Variants in WFDC11 observed in about 807,000 individuals in gnomAD.
The protein encoded by WFDC11 is protein WFDC11.
A neutral mutation model predicts 9.9 loss-of-function variants in WFDC11; 9 were observed. The observed-to-expected ratio is 0.91, with a 90% CI of 0.55 to 1.58. The LOEUF is 1.58. Among genes scored for constraint, WFDC11 ranks in the 40% most tolerant of loss-of-function variants. WFDC11 has a pLI of 0.00. For missense variants in WFDC11, 106 were observed against 101.7 expected (o/e 1.04, Z -0.18); for synonymous variants, 32 against 33.3 (o/e 0.96, Z 0.13).
chr20:45,655,467 G>A (rs1413011241), intron 2 of WFDC11, among the ~76,000 whole-genome samples: 1 of 152,176 alleles, frequency 6.6e-6, no homozygotes. Flanking sequence ...CAAATGCACA[G>A]CCAATATCAT....
At chr20:45,652,086 G>C (rs1982820071) in intron 2 of WFDC11, among the ~76,000 whole-genome samples, 1 of 152,216 alleles carries the variant, frequency 6.6e-6, no homozygotes, top group Non-Finnish European at 1.5e-5. Flanking sequence ...GAAGAGAGTA[G>C]TGTTTCTCCC....
In WFDC11 at chr20:45,650,485, C is replaced by G. The variant is rs1180984010; in HGVS notation, c.100+16G>C. ...CATCCCCCTCCTGTGGCCCCTAATC[C>G]AGCCTCACCACCTACTGTCATATCT... On this transcript the variant is annotated intron_variant, in intron 3 of 4. Coordinates refer to ENST00000324384, the MANE Select transcript of WFDC11 (RefSeq NM_147197.2). 1 of 1,609,268 alleles carries G rather than the reference C, an allele frequency of 6.2e-7. No individual in the cohort carries two copies. Among genetic ancestry groups the G allele is most frequent in the Non-Finnish European group, 8.5e-7 (1 of 1,175,742 alleles).
chr20:45,654,842 TA>T (rs1417068319), intron 2 of WFDC11, among the ~76,000 whole-genome samples: 1 of 152,164 alleles, frequency 6.6e-6, no homozygotes, highest in Non-Finnish European at 1.5e-5. Context: ...AAGAAAGGCA[TA>T]AATTCCTTGA....
At chr20:45,658,627 A>G (rs1982986977) in intron 2 of WFDC11, among the ~76,000 whole-genome samples, 1 of 151,620 alleles carries the variant, frequency 6.6e-6, no homozygotes, top group East Asian at 1.9e-4. Context: ...TGGTATATCA[A>G]TTTTATTTAT....
chr20:45,650,216 A>ATATAC (rs1982771515), intron 3 of WFDC11, among the ~76,000 whole-genome samples: 3 of 85,524 alleles, frequency 3.5e-5, no homozygotes, highest in Admixed American at 1.7e-4. Context: ...ATATATACAC[A>ATATAC]CACACACACA....
At chr20:45,654,120 G>C (rs1268731522) in intron 2 of WFDC11, among the ~76,000 whole-genome samples, 1 of 151,944 alleles carries the variant, frequency 6.6e-6, no homozygotes, top group Non-Finnish European at 1.5e-5. Context: ...CAAATCAACA[G>C]AATATACATT....
chr20:45,668,420 C>T (rs186081913), intron 1 of WFDC11, among the ~76,000 whole-genome samples: 132 of 152,130 alleles, frequency 8.7e-4, no homozygotes, highest in Non-Finnish European at 1.1e-3. Context: ...TTACAATATA[C>T]TCTTGGCCTT....
rs143075514 is a variant in WFDC11, at chr20:45,652,435, G to A, written c.-51-1784C>T. On this transcript the variant is annotated intron_variant, in intron 2 of 4. Transcript: ENST00000324384. Reference sequence around the variant, plus strand: ...ATCCACACCAAAACCCCAACTGTACGTCACCATCATCAAAGACCAAAGGTA... The same window carrying A: ...ATCCACACCAAAACCCCAACTGTACATCACCATCATCAAAGACCAAAGGTA... 2.0e-3 allele frequency among the ~76,000 whole-genome samples: 304 copies of A among 152,170 alleles called. 6 individuals are homozygous for A. The East Asian group carries it at 0.047, about 23-fold the overall frequency.
At position 45,649,361 on chromosome 20, in the gene WFDC11, T is replaced by A. The variant is rs762026452; in HGVS notation, c.139A>T (p.Asn47Tyr). The change falls in exon 4 of 5, where the codon AAT (asparagine) becomes TAT (tyrosine). Residue 47 changes from asparagine (N) to tyrosine (Y), a missense_variant. By Grantham distance (143) the Asn-to-Tyr change is moderately radical. Coordinates refer to ENST00000324384, the MANE Select transcript of WFDC11 (RefSeq NM_147197.2). The stretch of plus-strand genomic sequence containing the variant: ...CACTTATTGGTACATTCTTTGACAT[T>A]TGGCTTTCCCCAGCATTCTTCAAGT... ...LLLEECWGKP[N>Y]VKECTNKCSK... 6.2e-7 allele frequency: 1 copy of A among 1,614,034 alleles called. No individual in the cohort carries two copies. The highest frequency in any genetic ancestry group is 8.5e-7 in the Non-Finnish European group (1 of 1,180,032).
chr20:45,659,220 G>C (rs1276019040), intron 2 of WFDC11, among the ~76,000 whole-genome samples: 1 of 152,272 alleles, frequency 6.6e-6, no homozygotes, highest in East Asian at 1.9e-4. Context: ...TCCTTTGGGT[G>C]TATACCCAGT....
intron 2 of WFDC11, among the ~76,000 whole-genome samples, chr20:45,659,245 G>A (rs1983001741): frequency 1.3e-5 from 2 of 152,336 alleles, no homozygotes; most frequent in South Asian, 4.1e-4. Flanking sequence ...GGATTGCTGG[G>A]ACAAATGATA....
At chr20:45,660,238 A>C (rs1465238289) in intron 2 of WFDC11, among the ~76,000 whole-genome samples, 1 of 152,030 alleles carries the variant, frequency 6.6e-6, no homozygotes, top group African/African-American at 2.4e-5. Context: ...AAGTTCGAAT[A>C]ATTTTTTAAT....
chr20:45,660,235 A>G (rs899283994), intron 2 of WFDC11, among the ~76,000 whole-genome samples: 1 of 152,120 alleles, frequency 6.6e-6, no homozygotes, highest in African/African-American at 2.4e-5. Flanking sequence ...GTTAAGTTCG[A>G]ATAATTTTTT....
In WFDC11 at chr20:45,650,464, C is replaced by G. The variant is rs77259065; in HGVS notation, c.100+37G>C. The G allele has an allele frequency of 2.2e-3, 3,368 of 1,557,184 alleles. 120 individuals are homozygous for G. In the East Asian group the frequency reaches 0.07, roughly 32 times the overall value. ...TCCCTTGTTCAGAAACAAGCTCATC[C>G]CCCTCCTGTGGCCCCTAATCCAGCC... On this transcript the variant is annotated intron_variant, in intron 3 of 4. Coordinates refer to ENST00000324384, the MANE Select transcript of WFDC11 (RefSeq NM_147197.2).
intron 2 of WFDC11, among the ~76,000 whole-genome samples, chr20:45,659,775 T>C (rs1448272897): frequency 6.6e-6 from 1 of 152,266 alleles, no homozygotes; most frequent in African/African-American, 2.4e-5. Flanking sequence ...GTTTTAGTCA[T>C]GAAGCCTTTG....
At chr20:45,650,709 G>A (rs1982788522) in intron 2 of WFDC11, 58 bp from the exon 3 acceptor site, 2 of 906,220 alleles carry the variant, frequency 2.2e-6, no homozygotes, top group Non-Finnish European at 3.5e-6. Context: ...GAAAGTGCTT[G>A]TCGAATTTCT....
At chr20:45,655,280 A>G (rs1275030007) in intron 2 of WFDC11, among the ~76,000 whole-genome samples, 1 of 152,210 alleles carries the variant, frequency 6.6e-6, no homozygotes, top group African/African-American at 2.4e-5. Context: ...GGTTCAACAT[A>G]TGCAAATCAA....
At chr20:45,653,190 T>A (rs1369246521) in intron 2 of WFDC11, among the ~76,000 whole-genome samples, 1 of 152,130 alleles carries the variant, frequency 6.6e-6, no homozygotes, top group Non-Finnish European at 1.5e-5. Flanking sequence ...AAGGTCGGGT[T>A]ACCCACAAAG....
At chr20:45,662,497 A>C (rs2145622325) in intron 2 of WFDC11, among the ~76,000 whole-genome samples, 1 of 152,300 alleles carries the variant, frequency 6.6e-6, no homozygotes, top group East Asian at 1.9e-4. Context: ...GTCTTGTGCC[A>C]GTTTTCAAAG....
Sources: allele counts gnomAD v4.1 joint callset (sites outside exome capture counted in the v4.1 genomes callset), GRCh38; gene constraint gnomAD v4.1.1; transcripts MANE v1.5; gene names NCBI Gene and HGNC (gene_info 2026-07-23, HGNC 2026-07-21).